Variants in MXRA5 observed in about 807,000 individuals in gnomAD.
MXRA5 encodes the protein matrix remodeling associated 5.
In MXRA5, 41 loss-of-function variants were observed where a neutral mutation model predicts 112.5. The ratio of observed to expected loss-of-function variants is 0.36; its 90% CI spans 0.28 to 0.47. The LOEUF (loss-of-function observed/expected upper bound fraction) is 0.47, where lower values mean the gene tolerates loss of function less well. Among genes scored for constraint, MXRA5 ranks in the 20% least tolerant of loss-of-function variants. The pLI is 0.99. For synonymous variants in MXRA5, 862 were observed against 900.8 expected (o/e 0.96, Z 0.77); for missense variants, 2,150 against 2,251.0 (o/e 0.96, Z 0.91).
At position 3,343,663 on chromosome X, in the gene MXRA5, C is replaced by T. The variant is rs1922038930; in HGVS notation, c.171G>A (p.Val57=). 1 of 1,211,249 alleles carries T rather than the reference C, an allele frequency of 8.3e-7. No individual in the cohort carries two copies. Among genetic ancestry groups the T allele is most frequent in the East Asian group, 3.0e-5 (1 of 33,843 alleles). Residue 57 remains valine, a synonymous_variant, in exon 2 of 7, where the codon GTG becomes GTA. Transcript: ENST00000217939. ...GTACAAACCCCAAATTGATTCTTTC[C>T]ACGTGTTTAGCAATGCCAGCGGGCA... is the stretch of plus-strand genomic sequence containing the variant. ...ASVPAGIAKH[V]ERINLGFNSI... is the part of the protein sequence containing the mutation.
Position 3,320,088 on chromosome X carries a change from G to A in MXRA5, c.5597C>T (p.Thr1866Ile). The A allele has an allele frequency of 7.4e-6, 9 of 1,211,737 alleles. No homozygotes were observed. The highest frequency in any genetic ancestry group is 1.0e-5 in the Non-Finnish European group (9 of 895,453). ...GGGGAACACAGTGTCTGTCTCAGCG[G>A]TGACGGACACAGTCTGTGGGGACTT... Reference protein sequence around the residue: ...LTKSPQTVSVTAETDTVFPCE... With the variant: ...LTKSPQTVSVIAETDTVFPCE... Residue 1866 changes from threonine to isoleucine, a missense_variant, in exon 5 of 7, where the codon ACC (threonine) becomes ATC (isoleucine). Thr to Ile is a moderately conservative substitution (Grantham distance 89). Transcript: ENST00000217939.
rs757956350 is a variant in MXRA5 at position 3,324,609 on chromosome X, G to C, written c.1076C>G (p.Ala359Gly). ...QTDPPDIDIN[A>G]TVALDFECPM... The stretch of plus-strand genomic sequence containing the variant: ...ACACTCAAAGTCCAAGGCAACTGTT[G>C]CATTTATGTCAATATCTGGAGGATC... Residue 359 changes from alanine (A) to glycine (G), a missense_variant, in exon 5 of 7, where the codon GCA becomes GGA. This residue lies in a region of MXRA5 where 386 missense variants were observed against 411.0 expected (regional missense o/e 0.94). Coordinates refer to ENST00000217939, the MANE Select transcript of MXRA5 (RefSeq NM_015419.4). 8.3e-7 allele frequency: 1 copy of C among 1,211,059 alleles called. No homozygotes were observed. Among genetic ancestry groups the C allele is most frequent in the South Asian group, 1.8e-5 (1 of 56,859 alleles).
Position 3,330,123 on chromosome X carries a change from T to C in MXRA5, c.604A>G (p.Met202Val). 1 of 1,209,724 alleles carries C rather than the reference T, an allele frequency of 8.3e-7. No individual in the cohort carries two copies. Among genetic ancestry groups the C allele is most frequent in the East Asian group, 3.0e-5 (1 of 33,803 alleles). Residue 202 changes from methionine (M) to valine (V), a missense_variant, in exon 4 of 7, where the codon ATG becomes GTG. Physicochemically the swap from Met to Val is conservative, Grantham distance 21. Coordinates refer to ENST00000217939, the MANE Select transcript of MXRA5 (RefSeq NM_015419.4). ...TCCAGAAGCGGCATGTTCCGAAGCA[T>C]GCTGGCAGGAAGAGTTCTAACCATG... ...ENMVRTLPAS[M>V]LRNMPLLENL...
In MXRA5 at chrX:3,311,555, G is replaced by A. The variant is rs187308634; in HGVS notation, c.6648C>T (p.Ala2216=). 17 of 1,210,180 alleles carry A rather than the reference G, an allele frequency of 1.4e-5. No individual in the cohort carries two copies. The highest frequency in any genetic ancestry group is 8.7e-5 in the African/African-American group (5 of 57,351). Residue 2216 remains alanine, a synonymous_variant, in exon 7 of 7, where the codon GCC becomes GCT. Coordinates refer to ENST00000217939, the MANE Select transcript of MXRA5 (RefSeq NM_015419.4). ...TTCGAGCTACGCACAGGTAATCTCCGGCATCTTTGTCCGTCACTGATTTCA... is the reference window on the plus strand; with the variant it reads ...TTCGAGCTACGCACAGGTAATCTCCAGCATCTTTGTCCGTCACTGATTTCA... ...LVVKSVTDKD[A]GDYLCVARNK... is the part of the protein sequence containing the mutation.
chrX:3,324,754 A>T lies in MXRA5; in HGVS notation c.931T>A (p.Phe311Ile), dbSNP rs749296423. Reference sequence around the variant, plus strand: ...GAGATGCTCCACTGGGGCAGTTGGAATTTCTCCAGGATGAGCTGGCTGCCA... The same window carrying T: ...GAGATGCTCCACTGGGGCAGTTGGATTTTCTCCAGGATGAGCTGGCTGCCA... ...DGGSQLILEK[F>I]QLPQWSISLN... The change falls in exon 5 of 7, where the codon TTC becomes ATC. Residue 311 changes from phenylalanine (F) to isoleucine (I), a missense_variant. This residue lies in a region of MXRA5 where 386 missense variants were observed against 411.0 expected (regional missense o/e 0.94). Coordinates refer to ENST00000217939, the MANE Select transcript of MXRA5 (RefSeq NM_015419.4). 25 of 1,206,624 alleles carry T rather than the reference A, an allele frequency of 2.1e-5. No homozygotes were observed. Among genetic ancestry groups the T allele is most frequent in the Middle Eastern group, 2.3e-4 (1 of 4,361 alleles).
At position 3,310,135 on chromosome X, in the gene MXRA5, G is replaced by A. The variant is rs1461152211; in HGVS notation, c.8068C>T (p.Leu2690Phe). 12 of 1,209,899 alleles carry A rather than the reference G, an allele frequency of 9.9e-6. No homozygotes were observed. Among genetic ancestry groups the A allele is most frequent in the Non-Finnish European group, 1.3e-5 (12 of 895,120 alleles). The change falls in exon 7 of 7, where the codon CTT becomes TTT. Residue 2690 changes from leucine (L) to phenylalanine (F), a missense_variant. By Grantham distance (22) the Leu-to-Phe change is conservative. Coordinates refer to ENST00000217939, the MANE Select transcript of MXRA5 (RefSeq NM_015419.4). ...EGPQTLGRVS[L>F]LDNGTLTVRE... The stretch of plus-strand genomic sequence containing the variant: ...ACCGTGAGGGTGCCATTGTCCAGAA[G>A]AGAAACGCGTCCCAGGGTTTGGGGG...
chrX:3,336,453 T>C (rs1231414148), intron 2 of MXRA5, among the ~76,000 whole-genome samples: 3 of 111,775 alleles, frequency 2.7e-5, no homozygotes, highest in African/African-American at 9.8e-5. Context: ...CGCTGATCTA[T>C]TGTATGATTC....
rs751358454 is a variant in MXRA5 at position 3,316,315 on chromosome X, A to AAAATAAAT, written c.6578+780_6578+787dup. 4.0e-3 allele frequency among the ~76,000 whole-genome samples: 339 copies of AAAATAAAT among 84,943 alleles called. 5 individuals are homozygous for AAAATAAAT. Among genetic ancestry groups the AAAATAAAT allele is most frequent in the Middle Eastern group, 0.012 (2 of 171 alleles). The allele number at this position is 84,943 out of a possible 115,157, so 73.8% of individuals were successfully genotyped here. On this transcript the variant is annotated intron_variant, in intron 6 of 6. Coordinates refer to ENST00000217939, the MANE Select transcript of MXRA5 (RefSeq NM_015419.4). ...GGCCACAGAGCGAGATTCCGTCTCA[A>AAAATAAAT]AAATAAATAAATAAATAAATAAATA...
rs570332179 is a variant in MXRA5 at position 3,336,633 on chromosome X, A to G, written c.189-5860T>C. Among the ~76,000 whole-genome samples, 3 of 112,018 alleles carry G rather than the reference A, an allele frequency of 2.7e-5. No individual in the cohort carries two copies. In the South Asian group the frequency reaches 1.1e-3, roughly 42 times the overall value. The stretch of plus-strand genomic sequence containing the variant: ...AACAAGATAGAGATGATGGATACAC[A>G]ATAGTTTGAATGTACTAAATGGCAC... On this transcript the variant is annotated intron_variant, in intron 2 of 6. Coordinates refer to ENST00000217939, the MANE Select transcript of MXRA5 (RefSeq NM_015419.4).
Position 3,320,617 on chromosome X carries a change from G to A in MXRA5, c.5068C>T (p.Arg1690Ter). 2 of 1,211,362 alleles carry A rather than the reference G, an allele frequency of 1.7e-6. No homozygotes were observed. Among genetic ancestry groups the A allele is most frequent in the Non-Finnish European group, 1.1e-6 (1 of 895,140 alleles). ...KPSIPSKFTD[R>*]RTDQFNGYSK... The stretch of plus-strand genomic sequence containing the variant: ...TAGCCATTGAATTGGTCAGTTCTTC[G>A]GTCAGTAAACTTACTAGGAATGCTG... The change falls in exon 5 of 7, where the codon CGA (arginine) becomes TGA (stop). Residue 1690 changes from arginine to a stop codon, truncating the protein, a stop_gained. Coordinates refer to ENST00000217939, the MANE Select transcript of MXRA5 (RefSeq NM_015419.4). LOFTEE classifies it high-confidence loss of function.
chrX:3,328,493 C>T (rs1049230104), intron 4 of MXRA5, among the ~76,000 whole-genome samples: 11 of 111,339 alleles, frequency 9.9e-5, no homozygotes, highest in East Asian at 8.5e-4. Context: ...AAATCAGTTA[C>T]GCAGAGGTGT....
In MXRA5 at chrX:3,309,860, A is replaced by G. The variant is rs780987678; in HGVS notation, c.8343T>C (p.Ala2781=). ...DKSHLKAGVQ[A]RLYGNRFLHP... Reference sequence around the variant, plus strand: ...GAAGAAATCTGTTTCCATACAGACGAGCCTGAACCCCTGCCTTCAGATGCG... The same window carrying G: ...GAAGAAATCTGTTTCCATACAGACGGGCCTGAACCCCTGCCTTCAGATGCG... Residue 2781 remains alanine (A), a synonymous_variant, in exon 7 of 7, where the codon GCT becomes GCC. Coordinates refer to ENST00000217939, the MANE Select transcript of MXRA5 (RefSeq NM_015419.4). 12 of 1,211,569 alleles carry G rather than the reference A, an allele frequency of 9.9e-6. No homozygotes were observed. Among genetic ancestry groups the G allele is most frequent in the Middle Eastern group, 2.3e-4 (1 of 4,342 alleles).
chrX:3,336,398 T>C (rs1921785305), intron 2 of MXRA5, among the ~76,000 whole-genome samples: 1 of 112,021 alleles, frequency 8.9e-6, no homozygotes, highest in South Asian at 3.7e-4. Context: ...GTGGAAAAAT[T>C]GTCTTCCATG....
intron 2 of MXRA5, among the ~76,000 whole-genome samples, chrX:3,335,334 C>T (rs1255947946): frequency 9.0e-6 from 1 of 110,586 alleles, no homozygotes; most frequent in Non-Finnish European, 1.9e-5. Context: ...GTAGCTGGGA[C>T]TACAGGCGTG....
At chrX:3,338,683 G>A (rs1473091200) in intron 2 of MXRA5, among the ~76,000 whole-genome samples, 1 of 110,370 alleles carries the variant, frequency 9.1e-6, no homozygotes, top group African/African-American at 3.3e-5. Context: ...TAATGATAGA[G>A]ATCAATGATA....
rs1440436980 is a variant in MXRA5 at position 3,330,773 on chromosome X, C to A, written c.189G>T (p.Gly63=). ...CTGACAGGGCCTGTATGCTATTAAA[C>A]CTAAAGAATGGTAATAATAATAATA... ...IAKHVERINL[G]FNSIQALSET... The change falls in exon 3 of 7, where the codon GGG becomes GGT. Residue 63 remains glycine (G), a splice_region_variant and synonymous_variant. Coordinates refer to ENST00000217939, the MANE Select transcript of MXRA5 (RefSeq NM_015419.4). 8.9e-7 allele frequency: 1 copy of A among 1,124,804 alleles called. No individual in the cohort carries two copies. The highest frequency in any genetic ancestry group is 1.2e-6 in the Non-Finnish European group (1 of 836,781). The allele number at this position is 1,124,804 out of a possible 1,213,427, so 92.7% of individuals were successfully genotyped here. A position where few individuals can be genotyped will look rare whatever the true frequency, so the allele number is the denominator to read the frequency against.
At chrX:3,336,709 T>TA (rs1319730011) in intron 2 of MXRA5, among the ~76,000 whole-genome samples, 2 of 112,580 alleles carry the variant, frequency 1.8e-5, no homozygotes, top group Admixed American at 1.9e-4. Context: ...AATTTTACTT[T>TA]AAAAAATTGC....
chrX:3,317,172 G>A lies in MXRA5; in HGVS notation c.6509C>T (p.Ala2170Val), dbSNP rs1287224210. The A allele has an allele frequency of 8.3e-7, 1 of 1,206,126 alleles. No homozygotes were observed. The highest frequency in any genetic ancestry group is 1.1e-6 in the Non-Finnish European group (1 of 893,374). The change falls in exon 6 of 7, where the codon GCC becomes GTC. Residue 2170 changes from alanine (A) to valine (V), a missense_variant. Ala to Val is a moderately conservative substitution (Grantham distance 64, BLOSUM62 0). Around this residue, in one of 6 missense-constraint regions of MXRA5, gnomAD observed 1,485 missense variants for 1,471.6 expected, o/e 1.01. Transcript: ENST00000217939. ...GATGCGCGGCCAGGGGTCCCCCGAGGCGCTGCAGTCCAGCTTGAGGGTTCC... is the reference window on the plus strand; with the variant it reads ...GATGCGCGGCCAGGGGTCCCCCGAGACGCTGCAGTCCAGCTTGAGGGTTCC... ...YGGTLKLDCS[A>V]SGDPWPRILW...
chrX:3,335,671 A>G (rs887365732), intron 2 of MXRA5, among the ~76,000 whole-genome samples: 6 of 112,435 alleles, frequency 5.3e-5, no homozygotes, highest in Non-Finnish European at 1.1e-4. Flanking sequence ...GGAAAAATGC[A>G]ATGCACGTGA....
Sources: allele counts gnomAD v4.1 joint callset (sites outside exome capture counted in the v4.1 genomes callset), GRCh38; gene constraint gnomAD v4.1.1; regional missense constraint gnomAD v4.1.1; transcripts MANE v1.5; gene names NCBI Gene and HGNC (gene_info 2026-07-23, HGNC 2026-07-21).